The following ITPR1 variants were observed in gnomAD, a reference collection of about 807,000 sequenced individuals.
ITPR1 encodes inositol 1,4,5-trisphosphate receptor type 1, also known as inositol 1,4,5-trisphosphate-gated calcium channel ITPR1.
Under a neutral mutation model 318.4 loss-of-function variants are expected in ITPR1, and 96 were observed. The observed-to-expected ratio is 0.30, with a 90% confidence interval of 0.26 to 0.36. ITPR1 has a LOEUF of 0.36. Among genes scored for constraint, ITPR1 ranks in the 10% least tolerant of loss-of-function variants. ITPR1 has a pLI of 1.00. For missense variants in ITPR1, 2,440 were observed against 3,460.2 expected (o/e 0.71, Z 7.40); for synonymous variants, 1,312 against 1,289.9 (o/e 1.02, Z -0.37).
intron 2 of ITPR1, among the ~76,000 whole-genome samples, chr3:4,514,615 C>T (rs995429648): frequency 6.6e-6 from 1 of 152,158 alleles, no homozygotes; most frequent in South Asian, 2.1e-4. Flanking sequence ...GGACAAGGCC[C>T]TAGTCCTCTT....
rs1169754547 is a variant in ITPR1 at position 4,711,210 on chromosome 3, CAAAA to C, written c.4992-525_4992-522del. On this transcript the variant is annotated intron_variant, in intron 38 of 61. Transcript: ENST00000649015. ...TGGGTGGCAGAACGAGACCTTGTCT[CAAAA>C]AAAAAAAAAAAAAAAAAAAAAGAGA... 9.8e-4 allele frequency among the ~76,000 whole-genome samples: 57 copies of C among 57,908 alleles called. 1 individual carries two copies. Among genetic ancestry groups the C allele is most frequent in the African/African-American group, 2.7e-3 (49 of 18,094 alleles). 38.0% of individuals were successfully genotyped at this position (57,908 alleles called of 152,430 possible).
intron 7 of ITPR1, 31 bp from the exon 8 acceptor site, chr3:4,644,105 T>C (rs1382122829): frequency 6.8e-7 from 1 of 1,464,932 alleles, no homozygotes; most frequent in Non-Finnish European, 9.5e-7. Flanking sequence ...ATCAGTTTTG[T>C]GCAAAGCTCT....
intron 34 of ITPR1, among the ~76,000 whole-genome samples, chr3:4,699,450 T>C (rs1237301096): frequency 3.6e-4 from 55 of 152,124 alleles, no homozygotes; most frequent in Non-Finnish European, 1.8e-4. Flanking sequence ...AACCGAGGAA[T>C]GGATTACTCA....
chr3:4,723,475 T>A (rs1050139389), intron 40 of ITPR1, among the ~76,000 whole-genome samples: 1 of 152,116 alleles, frequency 6.6e-6, no homozygotes, highest in Non-Finnish European at 1.5e-5. Context: ...TTTTAAGAAT[T>A]AATTAAACTA....
chr3:4,564,005 G>A (rs560053201), intron 4 of ITPR1, among the ~76,000 whole-genome samples: 17 of 151,728 alleles, frequency 1.1e-4, no homozygotes, highest in South Asian at 2.1e-4. Context: ...GTAGTGGCGC[G>A]ATCTTGGCTC....
intron 32 of ITPR1, among the ~76,000 whole-genome samples, chr3:4,691,558 A>G (rs2094478805): frequency 6.6e-6 from 1 of 152,256 alleles, no homozygotes; most frequent in Non-Finnish European, 1.5e-5. Context: ...CAACCAATTT[A>G]AGGAAGGATG....
chr3:4,635,632 A>T (rs919574630), intron 5 of ITPR1, among the ~76,000 whole-genome samples: 2 of 152,000 alleles, frequency 1.3e-5, no homozygotes, highest in African/African-American at 4.8e-5. Flanking sequence ...GGCATGAGCC[A>T]CTGCGCCCAG....
At chr3:4,797,585 G>A (rs537799895) in intron 53 of ITPR1, among the ~76,000 whole-genome samples, 7 of 152,280 alleles carry the variant, frequency 4.6e-5, no homozygotes, top group South Asian at 4.2e-4. Flanking sequence ...TTTCAAAAGC[G>A]TGCAACTCAG....
Position 4,768,530 on chromosome 3 carries a change from G to A in ITPR1, c.5745G>A (p.Gln1915=), listed in dbSNP as rs2045965632. Residue 1915 remains glutamine, a synonymous_variant, in exon 46 of 62, where the codon CAG becomes CAA. Coordinates refer to ENST00000649015, the MANE Select transcript of ITPR1 (RefSeq NM_001378452.1). ...TTCTAGCTAAAGAGCCCACAACACA[G>A]ATAACAGAAGAGGTCCGGGATCAGC... ...SRKKAKEPTT[Q]ITEEVRDQLL... is the part of the protein sequence containing the mutation. 1 of 1,611,310 alleles carries A rather than the reference G, an allele frequency of 6.2e-7. No homozygotes were observed. The highest frequency in any genetic ancestry group is 8.5e-7 in the Non-Finnish European group (1 of 1,177,968).
intron 61 of ITPR1, among the ~76,000 whole-genome samples, chr3:4,839,742 T>G (rs1232833565): frequency 6.6e-6 from 1 of 152,196 alleles, no homozygotes; most frequent in African/African-American, 2.4e-5. Context: ...TATGTAAAAT[T>G]TGATTACATA....
intron 5 of ITPR1, among the ~76,000 whole-genome samples, chr3:4,638,412 G>A (rs1030129976): frequency 5.9e-5 from 9 of 152,188 alleles, no homozygotes; most frequent in African/African-American, 2.2e-4. Flanking sequence ...TGGTAACAGT[G>A]CTTTCAGAGT....
intron 10 of ITPR1, among the ~76,000 whole-genome samples, chr3:4,648,085 G>C (rs1204726245): frequency 6.6e-6 from 1 of 152,144 alleles, no homozygotes; most frequent in Non-Finnish European, 1.5e-5. Flanking sequence ...CCAGGAGGCG[G>C]AGGTTGTGGT....
intron 5 of ITPR1, among the ~76,000 whole-genome samples, chr3:4,638,781 GA>G (rs2093265935): frequency 6.6e-6 from 1 of 152,082 alleles, no homozygotes; most frequent in Non-Finnish European, 1.5e-5. Context: ...TCTTTTCACG[GA>G]ATGATTATAA....
chr3:4,679,522 TGGATTCG>T (rs2094254835), intron 24 of ITPR1, among the ~76,000 whole-genome samples: 1 of 152,130 alleles, frequency 6.6e-6, no homozygotes, highest in Non-Finnish European at 1.5e-5. Flanking sequence ...CCAGAACAGG[TGGATTCG>T]GTCTTCCTCC....
intron 44 of ITPR1, among the ~76,000 whole-genome samples, chr3:4,759,333 C>T (rs11717244): frequency 0.26 from 39,376 of 152,158 alleles, 6,513 homozygotes; most frequent in Non-Finnish European, 0.37. Flanking sequence ...ATCTAAGACC[C>T]GGATTCATTG....
intron 40 of ITPR1, among the ~76,000 whole-genome samples, chr3:4,719,591 G>A (rs182973524): frequency 6.2e-4 from 95 of 152,360 alleles, no homozygotes; most frequent in African/African-American, 2.2e-3. Flanking sequence ...CCCCAAGGCT[G>A]TGTAGGGCCT....
At chr3:4,816,612 C>G (rs1174614880) in intron 59 of ITPR1, among the ~76,000 whole-genome samples, 2 of 152,208 alleles carry the variant, frequency 1.3e-5, no homozygotes, top group Admixed American at 1.3e-4. Context: ...TGGTCTTGAA[C>G]TACTGAGCTC....
intron 44 of ITPR1, among the ~76,000 whole-genome samples, chr3:4,745,952 T>C (rs1049708968): frequency 1.3e-5 from 2 of 152,218 alleles, no homozygotes; most frequent in African/African-American, 4.8e-5. Flanking sequence ...AACTAATCTG[T>C]GCCCACTCTA....
chr3:4,623,477 AAAC>A (rs1451938848), intron 4 of ITPR1, among the ~76,000 whole-genome samples: 3 of 152,224 alleles, frequency 2.0e-5, no homozygotes, highest in African/African-American at 7.2e-5. Context: ...GGGTGAGTTC[AAAC>A]AACAGTGTAT....
Sources: allele counts gnomAD v4.1 joint callset (sites outside exome capture counted in the v4.1 genomes callset), GRCh38; gene constraint gnomAD v4.1.1; transcripts MANE v1.5; gene names NCBI Gene and HGNC (gene_info 2026-07-23, HGNC 2026-07-21).